SHISA6: variants seen among roughly 807,000 people sequenced by gnomAD.
SHISA6 encodes the protein protein shisa-6.
SHISA6 carries 22 observed loss-of-function variants against 47.9 expected under a neutral mutation model. That is an observed-to-expected ratio of 0.46 (90% CI 0.33 to 0.66). SHISA6 has a LOEUF of 0.66. Among genes scored for constraint, SHISA6 ranks in the 30% least tolerant of loss-of-function variants. The pLI is 0.02. For synonymous variants in SHISA6, 388 were observed against 337.8 expected, an observed-to-expected ratio of 1.15 and a Z score of -1.63; for missense variants, 680 against 764.6, an observed-to-expected ratio of 0.89 and a Z score of 1.30.
chr17:11,439,316 A>G (rs1235033848), intron 3 of SHISA6, among the ~76,000 whole-genome samples: 2 of 152,200 alleles, frequency 1.3e-5, no homozygotes, highest in Non-Finnish European at 2.9e-5. Flanking sequence ...GAATGCTAGA[A>G]TAACGTACAT....
At chr17:11,394,762 G>C (rs907648047) in intron 3 of SHISA6, among the ~76,000 whole-genome samples, 4 of 151,756 alleles carry the variant, frequency 2.6e-5, no homozygotes, top group African/African-American at 9.7e-5. Flanking sequence ...TATACCCTTC[G>C]AATTTTCCAA....
intron 2 of SHISA6, among the ~76,000 whole-genome samples, chr17:11,352,284 A>G (rs1241137819): frequency 6.6e-6 from 1 of 152,136 alleles, no homozygotes; most frequent in Non-Finnish European, 1.5e-5. Flanking sequence ...GATAGTGTTC[A>G]TATTGAGAAA....
intron 3 of SHISA6, among the ~76,000 whole-genome samples, chr17:11,440,663 G>A (rs1162497661): frequency 6.7e-6 from 1 of 150,050 alleles, no homozygotes; most frequent in Non-Finnish European, 1.5e-5. Flanking sequence ...GATGCTTAGA[G>A]AAATTAAATC....
At chr17:11,412,768 G>C (rs2142274228) in intron 3 of SHISA6, among the ~76,000 whole-genome samples, 1 of 152,220 alleles carries the variant, frequency 6.6e-6, no homozygotes, top group Non-Finnish European at 1.5e-5. Context: ...AACTTGGTTA[G>C]AGGCTTGTAT....
At chr17:11,433,313 A>G (rs1021337778) in intron 3 of SHISA6, among the ~76,000 whole-genome samples, 5 of 151,972 alleles carry the variant, frequency 3.3e-5, no homozygotes, top group African/African-American at 4.8e-5. Context: ...ACTCCCACTT[A>G]TGAGTGAGGA....
rs1332643155 is a variant in SHISA6, at chr17:11,498,978, A to G, written c.896-52918A>G. Reference sequence around the variant, plus strand: ...TCATTATTATTATTAAAAGGGAAAGAGCGAGGCAGAGGTGGAAGCTGCAGT... The same window carrying G: ...TCATTATTATTATTAAAAGGGAAAGGGCGAGGCAGAGGTGGAAGCTGCAGT... On this transcript the variant is annotated intron_variant, in intron 3 of 5. Coordinates refer to ENST00000441885, the MANE Select transcript of SHISA6 (RefSeq NM_207386.4). 2.0e-5 allele frequency among the ~76,000 whole-genome samples: 3 copies of G among 152,148 alleles called. No homozygotes were observed. The East Asian group carries it at 5.8e-4, about 29-fold the overall frequency.
At chr17:11,533,899 C>G (rs192589736) in intron 3 of SHISA6, among the ~76,000 whole-genome samples, 2 of 152,004 alleles carry the variant, frequency 1.3e-5, no homozygotes, top group Admixed American at 6.5e-5. Context: ...CCTCATTATT[C>G]TTACTCTATT....
At chr17:11,320,487 G>A (rs917245617) in intron 2 of SHISA6, among the ~76,000 whole-genome samples, 2 of 152,038 alleles carry the variant, frequency 1.3e-5, no homozygotes, top group African/African-American at 2.4e-5. Flanking sequence ...GTGAAATCCC[G>A]TCTCTACTAA....
chr17:11,318,897 G>A (rs1257157858), intron 2 of SHISA6, among the ~76,000 whole-genome samples: 5 of 151,942 alleles, frequency 3.3e-5, no homozygotes, highest in African/African-American at 4.8e-5. Context: ...AAGGATATTC[G>A]ATTTTGCTCA....
intron 3 of SHISA6, among the ~76,000 whole-genome samples, chr17:11,472,187 T>A (rs1252311206): frequency 1.3e-5 from 2 of 152,186 alleles, no homozygotes; most frequent in East Asian, 1.9e-4. Context: ...CATATCAGTA[T>A]GCAGTCTTTT....
chr17:11,291,316 G>A (rs978431500), intron 2 of SHISA6, among the ~76,000 whole-genome samples: 16 of 152,006 alleles, frequency 1.1e-4, no homozygotes, highest in Non-Finnish European at 1.9e-4. Flanking sequence ...GGGTAGGGCT[G>A]CCATAAAAAA....
chr17:11,483,948 A>G (rs757085966), intron 3 of SHISA6, among the ~76,000 whole-genome samples: 13 of 152,202 alleles, frequency 8.5e-5, no homozygotes, highest in Non-Finnish European at 1.8e-4. Context: ...AGCAAGATAA[A>G]GGGGAATATT....
At chr17:11,394,998 C>A in intron 3 of SHISA6, among the ~76,000 whole-genome samples, 2 of 95,070 alleles carry the variant, frequency 2.1e-5, no homozygotes, top group African/African-American at 4.1e-5. Context: ...TTTTTCTTTT[C>A]TTTTTTTTTT....
At chr17:11,402,951 G>A (rs1513743) in intron 3 of SHISA6, among the ~76,000 whole-genome samples, 74,017 of 151,954 alleles carry the variant, frequency 0.49, 18,555 homozygotes, top group Middle Eastern at 0.55. Context: ...GGTGCTCTTC[G>A]TGGAACCTTC....
intron 2 of SHISA6, among the ~76,000 whole-genome samples, chr17:11,323,690 T>C (rs1910784538): frequency 6.6e-6 from 1 of 150,638 alleles, no homozygotes; most frequent in South Asian, 2.1e-4. Context: ...ATAATAATAA[T>C]AATAATAATA....
intron 2 of SHISA6, among the ~76,000 whole-genome samples, chr17:11,283,431 T>G (rs2142162631): frequency 6.6e-6 from 1 of 152,336 alleles, no homozygotes; most frequent in Middle Eastern, 3.4e-3. Flanking sequence ...TGATTTTCTT[T>G]CTATTTCTCC....
At chr17:11,445,503 T>G (rs1181600160) in intron 3 of SHISA6, among the ~76,000 whole-genome samples, 1 of 152,216 alleles carries the variant, frequency 6.6e-6, no homozygotes, top group Non-Finnish European at 1.5e-5. Context: ...TCAGTATTAG[T>G]CAAGTATATT....
intron 3 of SHISA6, among the ~76,000 whole-genome samples, chr17:11,426,275 T>G (rs1025978632): frequency 2.0e-5 from 3 of 152,240 alleles, no homozygotes; most frequent in South Asian, 2.1e-4. Flanking sequence ...AATAAATATC[T>G]ATTAGCCACA....
intron 2 of SHISA6, among the ~76,000 whole-genome samples, chr17:11,310,607 T>C (rs1037455214): frequency 9.2e-5 from 14 of 152,282 alleles, no homozygotes; most frequent in African/African-American, 3.4e-4. Flanking sequence ...CTCTGGACTT[T>C]ATTCTAAATG....
Sources: allele counts gnomAD v4.1 joint callset (sites outside exome capture counted in the v4.1 genomes callset), GRCh38; gene constraint gnomAD v4.1.1; transcripts MANE v1.5; gene names NCBI Gene and HGNC (gene_info 2026-07-23, HGNC 2026-07-21).